CPEB4: variants seen among roughly 807,000 people sequenced by gnomAD.
CPEB4 encodes cytoplasmic polyadenylation element-binding protein 4.
Under a neutral mutation model 72.5 loss-of-function variants are expected in CPEB4, and 12 were observed. The observed-to-expected ratio is 0.17, with a 90% confidence interval of 0.11 to 0.27. CPEB4 has a LOEUF of 0.27. Among genes scored for constraint, CPEB4 ranks in the 10% least tolerant of loss-of-function variants. The pLI, the probability that CPEB4 is intolerant of heterozygous loss-of-function variation, is 1.00. For synonymous variants in CPEB4, 302 were observed against 326.3 expected (o/e 0.93, Z 0.80); for missense variants, 614 against 908.5 (o/e 0.68, Z 4.17).
At chr5:173,936,367 C>T (rs779884056) in intron 3 of CPEB4, among the ~76,000 whole-genome samples, 1 of 152,146 alleles carries the variant, frequency 6.6e-6, no homozygotes, top group Non-Finnish European at 1.5e-5. Flanking sequence ...TATAAAGACA[C>T]CAGTCATATT....
At chr5:173,916,824 A>T (rs1192925187) in intron 2 of CPEB4, among the ~76,000 whole-genome samples, 3 of 152,224 alleles carry the variant, frequency 2.0e-5, no homozygotes, top group South Asian at 2.1e-4. Flanking sequence ...CATCAGTTTT[A>T]TAAAAGTTTT....
intron 2 of CPEB4, among the ~76,000 whole-genome samples, chr5:173,917,823 G>A (rs967779610): frequency 2.6e-5 from 4 of 152,212 alleles, no homozygotes; most frequent in Non-Finnish European, 5.9e-5. Context: ...TTATTAGTGT[G>A]TGGTATCAAA....
intron 1 of CPEB4, among the ~76,000 whole-genome samples, chr5:173,906,066 T>C (rs1232678627): frequency 6.6e-6 from 1 of 152,234 alleles, no homozygotes; most frequent in Admixed American, 6.5e-5. Context: ...CCTAACAAGG[T>C]TTCTATTTTA....
At chr5:173,938,332 T>C (rs556944586) in intron 3 of CPEB4, among the ~76,000 whole-genome samples, 27 of 152,270 alleles carry the variant, frequency 1.8e-4, no homozygotes, top group Non-Finnish European at 3.4e-4. Flanking sequence ...TTGAAGCAAT[T>C]CTCCTGCCTT....
chr5:173,910,241 A>G (rs956540662), intron 1 of CPEB4, among the ~76,000 whole-genome samples: 44 of 152,234 alleles, frequency 2.9e-4, no homozygotes, highest in African/African-American at 1.1e-3. Flanking sequence ...AATGTTCTTA[A>G]CTAATACAGA....
At chr5:173,912,351 G>T (rs746591579) in intron 2 of CPEB4, among the ~76,000 whole-genome samples, 1 of 152,132 alleles carries the variant, frequency 6.6e-6, no homozygotes, top group Non-Finnish European at 1.5e-5. Context: ...AAGGTCTGTG[G>T]GTTGTACCAA....
At chr5:173,947,040 T>C (rs1561630994) in intron 5 of CPEB4, among the ~76,000 whole-genome samples, 1 of 152,046 alleles carries the variant, frequency 6.6e-6, no homozygotes, top group Non-Finnish European at 1.5e-5. Context: ...ACTAGACTGT[T>C]TCACAGTCTG....
At position 173,888,724 on chromosome 5, in the gene CPEB4, T is replaced by C. The variant is rs1755696817; in HGVS notation, c.-1010T>C. The C allele has an allele frequency of 5.1e-6, 2 of 389,532 alleles. No individual in the cohort carries two copies. Among genetic ancestry groups the C allele is most frequent in the Admixed American group, 4.5e-5 (1 of 22,400 alleles). The allele number at this position is 389,532 out of a possible 1,614,324, so 24.1% of individuals were successfully genotyped here. A position where few individuals can be genotyped will look rare whatever the true frequency, so the allele number is the denominator to read the frequency against. On this transcript the variant is annotated 5_prime_UTR_variant, in exon 1 of 10. Coordinates refer to ENST00000265085, the MANE Select transcript of CPEB4 (RefSeq NM_030627.4). This position sits in a 1 kb window ranked among gnomAD's most constrained non-coding sequence, Gnocchi z 4.3. ...TTTCCCTCTCTGCGGAGAATCGAACTGAGGGAACTGAACAAACCGCCCCTG... is the reference window on the plus strand; with the variant it reads ...TTTCCCTCTCTGCGGAGAATCGAACCGAGGGAACTGAACAAACCGCCCCTG...
At chr5:173,942,616 G>A (rs1757885719) in intron 3 of CPEB4, among the ~76,000 whole-genome samples, 1 of 152,200 alleles carries the variant, frequency 6.6e-6, no homozygotes, top group Non-Finnish European at 1.5e-5. Flanking sequence ...TTCTGGTGGT[G>A]AAAAAGTCAT....
chr5:173,891,796 T>C (rs1755821480), intron 1 of CPEB4, among the ~76,000 whole-genome samples: 2 of 152,196 alleles, frequency 1.3e-5, no homozygotes, highest in African/African-American at 4.8e-5. Flanking sequence ...GGTATGATTA[T>C]ATGTGTTTAG....
At chr5:173,952,012 C>T in intron 8 of CPEB4, 74 bp downstream of exon 8, 1 of 1,026,988 alleles carries the variant, frequency 9.7e-7, no homozygotes, top group South Asian at 1.3e-5. Context: ...TAAATTTTTC[C>T]TAAGAATTGG....
At chr5:173,917,022 A>C (rs1356479805) in intron 2 of CPEB4, among the ~76,000 whole-genome samples, 1 of 152,206 alleles carries the variant, frequency 6.6e-6, no homozygotes, top group Non-Finnish European at 1.5e-5. Context: ...CTTAGAGAAC[A>C]CATGTTGTAT....
intron 2 of CPEB4, among the ~76,000 whole-genome samples, chr5:173,917,891 G>C (rs563362386): frequency 3.2e-4 from 49 of 152,270 alleles, no homozygotes; most frequent in African/African-American, 1.2e-3. Context: ...ACTCAGAGTC[G>C]GCCGGCAGCT....
intron 2 of CPEB4, among the ~76,000 whole-genome samples, chr5:173,923,652 A>G (rs761418104): frequency 6.6e-6 from 1 of 151,234 alleles, no homozygotes; most frequent in African/African-American, 2.4e-5. Flanking sequence ...AATTTTTTCT[A>G]CTACTTGGTC....
intron 9 of CPEB4, among the ~76,000 whole-genome samples, chr5:173,954,855 C>T (rs545889603): frequency 1.3e-5 from 2 of 152,320 alleles, no homozygotes; most frequent in East Asian, 1.9e-4. Flanking sequence ...GCCTAGAGGC[C>T]AGAAGCCCAG....
chr5:173,954,496 C>T (rs566540669), intron 9 of CPEB4, among the ~76,000 whole-genome samples: 1 of 152,120 alleles, frequency 6.6e-6, no homozygotes, highest in African/African-American at 2.4e-5. Flanking sequence ...CCTTAGCCTC[C>T]CGAGTAGGTG....
At chr5:173,902,097 A>G (rs573702980) in intron 1 of CPEB4, among the ~76,000 whole-genome samples, 2 of 152,332 alleles carry the variant, frequency 1.3e-5, no homozygotes, top group Admixed American at 1.3e-4. Flanking sequence ...GAATATTTAC[A>G]TTTTGGCAAA....
At chr5:173,916,161 T>G (rs1756859447) in intron 2 of CPEB4, among the ~76,000 whole-genome samples, 1 of 152,176 alleles carries the variant, frequency 6.6e-6, no homozygotes, top group Non-Finnish European at 1.5e-5. Context: ...GTCAAAACAT[T>G]ATAGTTGTTC....
intron 3 of CPEB4, among the ~76,000 whole-genome samples, chr5:173,936,865 A>G (rs2113251872): frequency 6.9e-6 from 1 of 144,974 alleles, no homozygotes; most frequent in African/African-American, 2.6e-5. Context: ...AGCCCTCAGG[A>G]TTAGCTACTT....
Sources: gnomAD v4.1 joint callset for allele counts (sites outside exome capture counted in the v4.1 genomes callset) on GRCh38, gnomAD v4.1.1 for gene constraint, Gnocchi (gnomAD v3.1) non-coding constraint, MANE v1.5 for transcripts, NCBI Gene and HGNC (gene_info 2026-07-23, HGNC 2026-07-21) for gene names.